Variants in INPP4B observed in about 807,000 individuals in gnomAD.
INPP4B encodes inositol polyphosphate-4-phosphatase type II B.
In INPP4B, 55 loss-of-function variants were observed where a neutral mutation model predicts 122.5. That is an observed-to-expected ratio of 0.45 (90% CI 0.36 to 0.56). INPP4B has a LOEUF of 0.56. Among genes scored for constraint, INPP4B ranks in the 20% least tolerant of loss-of-function variants. The pLI, the probability that INPP4B is intolerant of heterozygous loss-of-function variation, is 0.00. For missense variants in INPP4B, 1,000 were observed against 1,097.7 expected, an observed-to-expected ratio of 0.91 and a Z score of 1.26; for synonymous variants, 403 against 388.7, an observed-to-expected ratio of 1.04 and a Z score of -0.43.
chr4:142,771,635 T>C (rs1365790281), intron 1 of INPP4B, among the ~76,000 whole-genome samples: 6 of 152,166 alleles, frequency 3.9e-5, no homozygotes, highest in African/African-American at 1.2e-4. Context: ...TCAAGGCTTA[T>C]GCTCAGGTTT....
Position 142,050,222 on chromosome 4 carries a change from A to G in INPP4B, c.2643-21308T>C, listed in dbSNP as rs372991464. On this transcript the variant is annotated intron_variant, in intron 25 of 25. Transcript: ENST00000262992. The stretch of plus-strand genomic sequence containing the variant: ...GGGGATAGGGAAGAATTGACTTAGT[A>G]CAAATGAGATTCCAAACTTAATCTA... 4.6e-5 allele frequency among the ~76,000 whole-genome samples: 7 copies of G among 152,160 alleles called. No homozygotes were observed. The East Asian group carries it at 7.7e-4, about 17-fold the overall frequency.
chr4:142,411,459 G>A (rs1401949474), intron 5 of INPP4B, among the ~76,000 whole-genome samples: 1 of 152,106 alleles, frequency 6.6e-6, no homozygotes, highest in East Asian at 1.9e-4. Context: ...GCATACCTTC[G>A]AATCTAATGA....
At chr4:142,828,339 C>A (rs540675638) in intron 1 of INPP4B, among the ~76,000 whole-genome samples, 2 of 152,008 alleles carry the variant, frequency 1.3e-5, no homozygotes, top group Non-Finnish European at 2.9e-5. Flanking sequence ...AGTGAAATAT[C>A]GTCCATAAAA....
At chr4:142,247,523 G>A (rs895846366) in intron 11 of INPP4B, among the ~76,000 whole-genome samples, 3 of 151,918 alleles carry the variant, frequency 2.0e-5, no homozygotes, top group African/African-American at 4.8e-5. Flanking sequence ...GTCTTGGGAG[G>A]GTGTATGTGC....
chr4:142,837,159 AAATAATAATAAT>A (rs150797757), intron 1 of INPP4B, among the ~76,000 whole-genome samples: 9 of 149,068 alleles, frequency 6.0e-5, no homozygotes, highest in Non-Finnish European at 8.9e-5. Context: ...ACAGTCTCAA[AAATAATAATAAT>A]AATAATAATA....
rs750665004 is a variant in INPP4B at position 142,145,948 on chromosome 4, T to C, written c.1612A>G (p.Met538Val). 1.2e-5 allele frequency: 20 copies of C among 1,613,768 alleles called. No individual in the cohort carries two copies. Among genetic ancestry groups the C allele is most frequent in the African/African-American group, 2.7e-5 (2 of 74,914 alleles). The change falls in exon 18 of 26, where the codon ATG (methionine) becomes GTG (valine). Residue 538 changes from methionine to valine, a missense_variant. Coordinates refer to ENST00000262992, the MANE Select transcript of INPP4B (RefSeq NM_001101669.3). Reference sequence around the variant, plus strand: ...TCTCTTTCAATCAGTTTGTCCACCATAGCAATAATGCAGTTCAGGCTCTTC... The same window carrying C: ...TCTCTTTCAATCAGTTTGTCCACCACAGCAATAATGCAGTTCAGGCTCTTC... The part of the protein sequence containing the change: ...VGKSLNCIIA[M>V]VDKLIERDGG...
chr4:142,399,285 C>G (rs1190175545), intron 7 of INPP4B, among the ~76,000 whole-genome samples: 1 of 140,386 alleles, frequency 7.1e-6, no homozygotes, highest in Non-Finnish European at 1.5e-5. Flanking sequence ...CAACCTCTGC[C>G]TCCCAAGTTC....
rs149732050 is a variant in INPP4B at position 142,198,505 on chromosome 4, G to A, written c.1073-5310C>T. Among the ~76,000 whole-genome samples the A allele has an allele frequency of 3.7e-4, 54 of 146,924 alleles. No homozygotes were observed. In the East Asian group the frequency reaches 5.4e-3, roughly 15 times the overall value. ...TTTTCTTAAGCTTTTCTTTTCCAGC[G>A]TTCTCCCATGCTTTTTCCCTATTTT... On this transcript the variant is annotated intron_variant, in intron 14 of 25. Transcript: ENST00000262992.
chr4:142,776,152 G>A (rs543839783), intron 1 of INPP4B, among the ~76,000 whole-genome samples: 1 of 152,248 alleles, frequency 6.6e-6, no homozygotes, highest in Non-Finnish European at 1.5e-5. Flanking sequence ...AGTTTGACTT[G>A]CTCTTACTAT....
At chr4:142,204,559 G>T (rs1203783084) in intron 14 of INPP4B, among the ~76,000 whole-genome samples, 1 of 151,980 alleles carries the variant, frequency 6.6e-6, no homozygotes, top group Non-Finnish European at 1.5e-5. Flanking sequence ...TCGCAAGAAA[G>T]ATACCTCAGA....
chr4:142,209,792 CAAAAAAAAAAA>C (rs375306534), intron 12 of INPP4B, among the ~76,000 whole-genome samples: 1 of 39,550 alleles, frequency 2.5e-5, no homozygotes. Context: ...GACCCCGTCT[CAAAAAAAAAAA>C]AAAAAAAAAA....
At chr4:142,106,773 G>A (rs898766590) in intron 23 of INPP4B, among the ~76,000 whole-genome samples, 2 of 152,058 alleles carry the variant, frequency 1.3e-5, no homozygotes, top group African/African-American at 4.8e-5. Flanking sequence ...TTCACAGTGT[G>A]GCCTGCGAAT....
At chr4:142,415,302 C>T (rs1805458502) in intron 5 of INPP4B, among the ~76,000 whole-genome samples, 1 of 152,062 alleles carries the variant, frequency 6.6e-6, no homozygotes, top group Non-Finnish European at 1.5e-5. Context: ...AAAGTCAGGG[C>T]TTCAGTTACC....
At chr4:142,754,805 G>C (rs1770268012) in intron 1 of INPP4B, among the ~76,000 whole-genome samples, 1 of 151,954 alleles carries the variant, frequency 6.6e-6, no homozygotes, top group Non-Finnish European at 1.5e-5. Flanking sequence ...ATTGCTTAAT[G>C]ATTCTTCTAT....
chr4:142,073,449 A>G (rs532562345), intron 25 of INPP4B, among the ~76,000 whole-genome samples: 5 of 152,194 alleles, frequency 3.3e-5, no homozygotes, highest in Admixed American at 1.3e-4. Flanking sequence ...AAGCCATCCA[A>G]TTTGTTCCCT....
At chr4:142,559,904 T>C (rs1730069007) in intron 2 of INPP4B, among the ~76,000 whole-genome samples, 1 of 123,554 alleles carries the variant, frequency 8.1e-6, no homozygotes, top group East Asian at 5.7e-4. Flanking sequence ...ATTTCACTCA[T>C]GAAATAGTTT....
At chr4:142,598,097 C>T (rs1739101076) in intron 2 of INPP4B, among the ~76,000 whole-genome samples, 1 of 152,070 alleles carries the variant, frequency 6.6e-6, no homozygotes, top group Non-Finnish European at 1.5e-5. Flanking sequence ...CACTAGAGTC[C>T]AACAGAGAAC....
At chr4:142,334,545 G>T (rs1195366455) in intron 7 of INPP4B, among the ~76,000 whole-genome samples, 11 of 152,080 alleles carry the variant, frequency 7.2e-5, no homozygotes, top group Non-Finnish European at 4.4e-5. Flanking sequence ...TTTCCATATT[G>T]GCTGGCCAAT....
At chr4:142,266,044 T>G (rs1339536938) in intron 10 of INPP4B, among the ~76,000 whole-genome samples, 1 of 152,236 alleles carries the variant, frequency 6.6e-6, no homozygotes, top group Non-Finnish European at 1.5e-5. Context: ...TGGGAAGTGT[T>G]TCTGCTACTG....
Sources: allele counts gnomAD v4.1 joint callset (sites outside exome capture counted in the v4.1 genomes callset), GRCh38; gene constraint gnomAD v4.1.1; transcripts MANE v1.5; gene names NCBI Gene and HGNC (gene_info 2026-07-23, HGNC 2026-07-21).